The following SPAG6 variants were observed in gnomAD, a reference collection of about 807,000 sequenced individuals.
SPAG6 encodes the protein sperm associated antigen 6, also known as sperm-associated antigen 6.
In SPAG6, 49 loss-of-function variants were observed where a neutral mutation model predicts 58.5. The ratio of observed to expected loss-of-function variants is 0.84; its 90% CI spans 0.67 to 1.06. The LOEUF (loss-of-function observed/expected upper bound fraction) is 1.06. SPAG6 is among the 50% of genes least tolerant of loss of function. The pLI, the probability that SPAG6 is intolerant of heterozygous loss-of-function variation, is 0.00. For missense variants in SPAG6, 560 were observed against 611.3 expected, an observed-to-expected ratio of 0.92 and a Z score of 0.89; for synonymous variants, 233 against 225.6, an observed-to-expected ratio of 1.03 and a Z score of -0.29.
chr10:22,360,304 C>G (rs774971797), intron 2 of SPAG6, among the ~76,000 whole-genome samples: 2 of 145,542 alleles, frequency 1.4e-5, no homozygotes, highest in Admixed American at 1.4e-4. Context: ...TTTTGAGTGT[C>G]TTCTTGTTTT....
intron 2 of SPAG6, among the ~76,000 whole-genome samples, chr10:22,346,435 T>TCTTCTTCTTCTTCTTCTC (rs1836535567): frequency 8.8e-6 from 1 of 113,064 alleles, no homozygotes. Context: ...AAATGGTTCT[T>TCTTCTTCTTCTTCTTCTC]CTTCTTCTTC....
Position 22,387,909 on chromosome 10 carries a change from T to C in SPAG6, c.765T>C (p.Val255=), listed in dbSNP as rs780033281. 2 of 1,613,608 alleles carry C rather than the reference T, an allele frequency of 1.2e-6. No individual in the cohort carries two copies. Among genetic ancestry groups the C allele is most frequent in the Non-Finnish European group, 1.7e-6 (2 of 1,179,730 alleles). Residue 255 remains valine, a synonymous_variant, in exon 6 of 11, where the codon GTT becomes GTC. Transcript: ENST00000376624. Reference sequence around the variant, plus strand: ...TTGTTGAAGCAGAGATTTTTCCAGTTGTACTTACCTGTCTGAAGGACAAGG... The same window carrying C: ...TTGTTGAAGCAGAGATTTTTCCAGTCGTACTTACCTGTCTGAAGGACAAGG... ...EMVVEAEIFP[V]VLTCLKDKDE...
chr10:22,364,822 C>A (rs762081256), intron 2 of SPAG6, 31 bp from the exon 3 acceptor site: 35 of 1,541,400 alleles, frequency 2.3e-5, no homozygotes, highest in Middle Eastern at 3.4e-4. Flanking sequence ...TTAAATTTTC[C>A]TGATTTCTGT....
At chr10:22,346,430 G>GTTCCTC (rs1836531776) in intron 2 of SPAG6, among the ~76,000 whole-genome samples, 1 of 95,920 alleles carries the variant, frequency 1.0e-5, no homozygotes, top group Admixed American at 1.1e-4. Context: ...AGAGAAAATG[G>GTTCCTC]TTCTTCTTCT....
intron 2 of SPAG6, among the ~76,000 whole-genome samples, chr10:22,346,346 T>C (rs914319784): frequency 6.6e-6 from 1 of 151,290 alleles, no homozygotes; most frequent in Non-Finnish European, 1.5e-5. Flanking sequence ...GTCCGGACTC[T>C]TGCAGATGTG....
intron 9 of SPAG6, 123 bp downstream of exon 9, chr10:22,401,400 A>G: frequency 1.5e-6 from 1 of 654,898 alleles, no homozygotes. Context: ...CTTAACTCTC[A>G]CCAATCTGTA....
chr10:22,348,044 G>C (rs921814879), intron 2 of SPAG6, among the ~76,000 whole-genome samples: 1 of 152,006 alleles, frequency 6.6e-6, no homozygotes, highest in Non-Finnish European at 1.5e-5. Flanking sequence ...AGGCTAGAGT[G>C]CAGTGGCATG....
Position 22,416,889 on chromosome 10 carries a change from C to G in SPAG6, c.*201C>G. The G allele has an allele frequency of 2.4e-6, 1 of 415,308 alleles. No homozygotes were observed. The highest frequency in any genetic ancestry group is 4.4e-6 in the Non-Finnish European group (1 of 228,372). 25.7% of individuals were successfully genotyped at this position (415,308 alleles called of 1,614,324 possible). A position where few individuals can be genotyped will look rare whatever the true frequency, so the allele number is the denominator to read the frequency against. On this transcript the variant is annotated 3_prime_UTR_variant, in exon 11 of 11. Coordinates refer to ENST00000376624, the MANE Select transcript of SPAG6 (RefSeq NM_012443.4). ...GGAACTATTCATGGTCATTCGCATG[C>G]ATAGGATTTGTTCTACAGGTAGATT...
intron 3 of SPAG6, among the ~76,000 whole-genome samples, chr10:22,365,656 T>C (rs556007043): frequency 6.6e-6 from 1 of 152,278 alleles, no homozygotes; most frequent in South Asian, 2.1e-4. Flanking sequence ...ATTCTGTTAG[T>C]TTATCATAAC....
At chr10:22,403,553 G>C (rs1283740417) in intron 9 of SPAG6, among the ~76,000 whole-genome samples, 2 of 151,678 alleles carry the variant, frequency 1.3e-5, no homozygotes, top group Non-Finnish European at 2.9e-5. Context: ...ATTTGGGTTG[G>C]TTCCAAGTCT....
Position 22,411,052 on chromosome 10 carries a change from G to C in SPAG6, c.1336G>C (p.Ala446Pro). Residue 446 changes from alanine (A) to proline (P), a missense_variant, in exon 10 of 11, where the codon GCT (alanine) becomes CCT (proline). Physicochemically the swap from Ala to Pro is conservative, Grantham distance 27 (BLOSUM62 -1). Coordinates refer to ENST00000376624, the MANE Select transcript of SPAG6 (RefSeq NM_012443.4). ...CAAGGTGCTGCCGCATGATAGCAAA[G>C]CTCGACGACTTTTTGTAACAAGTGG... ...FSKVLPHDSK[A>P]RRLFVTSGGL... 1.2e-6 allele frequency: 2 copies of C among 1,613,988 alleles called. No individual in the cohort carries two copies. Among genetic ancestry groups the C allele is most frequent in the Non-Finnish European group, 1.7e-6 (2 of 1,179,980 alleles).
At position 22,417,028 on chromosome 10, in the gene SPAG6, C is replaced by A; in HGVS notation, c.*340C>A. The A allele has an allele frequency of 5.5e-6, 1 of 180,328 alleles. No individual in the cohort carries two copies. The highest frequency in any genetic ancestry group is 1.2e-5 in the Non-Finnish European group (1 of 84,392). The allele number at this position is 180,328 out of a possible 1,614,324, so 11.2% of individuals were successfully genotyped here. A position where few individuals can be genotyped will look rare whatever the true frequency, so the allele number is the denominator to read the frequency against. On this transcript the variant is annotated 3_prime_UTR_variant, in exon 11 of 11. Coordinates refer to ENST00000376624, the MANE Select transcript of SPAG6 (RefSeq NM_012443.4). ...TAGTTAAGAGATGGCATTCAAAAAC[C>A]CTAAATTATTCTAGCCAATTTGTCA...
intron 8 of SPAG6, among the ~76,000 whole-genome samples, chr10:22,394,457 T>C (rs937827428): frequency 6.6e-6 from 1 of 152,214 alleles, no homozygotes; most frequent in Non-Finnish European, 1.5e-5. Flanking sequence ...TTTAGCAGCT[T>C]TATTGAGCTA....
At position 22,368,606 on chromosome 10, in the gene SPAG6, T is replaced by G; in HGVS notation, c.400T>G (p.Leu134Val). ...CGALDTLVIC[L>V]EDFDPGVKEA... ...AGCACTGGATACGCTGGTCATATGCTTGGAAGATTTTGACCCTGGAGTCAA... is the reference window on the plus strand; with the variant it reads ...AGCACTGGATACGCTGGTCATATGCGTGGAAGATTTTGACCCTGGAGTCAA... Residue 134 changes from leucine (L) to valine (V), a missense_variant, in exon 4 of 11, where the codon TTG becomes GTG. By Grantham distance (32) the Leu-to-Val change is conservative (BLOSUM62 1). Coordinates refer to ENST00000376624, the MANE Select transcript of SPAG6 (RefSeq NM_012443.4). 6.2e-7 allele frequency: 1 copy of G among 1,613,946 alleles called. No individual in the cohort carries two copies. Among genetic ancestry groups the G allele is most frequent in the Non-Finnish European group, 8.5e-7 (1 of 1,179,954 alleles).
chr10:22,360,340 G>T, intron 2 of SPAG6, among the ~76,000 whole-genome samples: 1 of 148,534 alleles, frequency 6.7e-6, no homozygotes, highest in East Asian at 2.0e-4. Flanking sequence ...TTCATAACTG[G>T]ATTGCAATGT....
intron 10 of SPAG6, among the ~76,000 whole-genome samples, chr10:22,414,595 G>A (rs1327917655): frequency 6.6e-6 from 1 of 152,070 alleles, no homozygotes; most frequent in Non-Finnish European, 1.5e-5. Flanking sequence ...GCTACATGTG[G>A]CTACTGAGGA....
At chr10:22,363,070 G>T (rs559756443) in intron 2 of SPAG6, among the ~76,000 whole-genome samples, 1 of 152,162 alleles carries the variant, frequency 6.6e-6, no homozygotes, top group Admixed American at 6.5e-5. Context: ...GTGGAAAACA[G>T]TTTGGCAATT....
At chr10:22,365,043 A>G (rs1238484249) in intron 3 of SPAG6, 24 bp downstream of exon 3, 1 of 1,542,908 alleles carries the variant, frequency 6.5e-7, no homozygotes, top group African/African-American at 1.4e-5. Context: ...AAAACTAGTT[A>G]TATGTTTTTT....
chr10:22,410,108 T>C (rs548440309), intron 9 of SPAG6, among the ~76,000 whole-genome samples: 159 of 152,328 alleles, frequency 1.0e-3, no homozygotes, highest in African/African-American at 3.7e-3. Flanking sequence ...TTAGTTTTCA[T>C]TGGTTGCTTT....
Sources: allele counts gnomAD v4.1 joint callset (sites outside exome capture counted in the v4.1 genomes callset), GRCh38; gene constraint gnomAD v4.1.1; transcripts MANE v1.5; gene names NCBI Gene and HGNC (gene_info 2026-07-23, HGNC 2026-07-21).